Variants in CMC1 observed in about 807,000 individuals in gnomAD.
CMC1 encodes the protein COX assembly mitochondrial protein homolog.
A neutral mutation model predicts 14.1 loss-of-function variants in CMC1; 14 were observed. The ratio of observed to expected loss-of-function variants is 0.99; its 90% confidence interval spans 0.66 to 1.55. CMC1 has a LOEUF of 1.55. Among genes scored for constraint, CMC1 ranks in the 40% most tolerant of loss-of-function variants. The pLI is 0.00. For missense variants in CMC1, 127 were observed against 123.8 expected, an observed-to-expected ratio of 1.03 and a Z score of -0.12; for synonymous variants, 50 against 38.4, an observed-to-expected ratio of 1.30 and a Z score of -1.12.
At chr3:28,289,333 G>A (rs904388855) in intron 2 of CMC1, among the ~76,000 whole-genome samples, 7 of 151,742 alleles carry the variant, frequency 4.6e-5, no homozygotes, top group East Asian at 3.9e-4. Flanking sequence ...ATCTTACTAA[G>A]TATTGGGGAA....
At chr3:28,309,012 C>G (rs964030787) in intron 2 of CMC1, among the ~76,000 whole-genome samples, 1 of 151,796 alleles carries the variant, frequency 6.6e-6, no homozygotes, top group African/African-American at 2.4e-5. Context: ...ATAAATAAGC[C>G]TGCAAAACTA....
intron 2 of CMC1, among the ~76,000 whole-genome samples, chr3:28,274,660 C>A (rs1052996158): frequency 1.3e-5 from 2 of 152,090 alleles, no homozygotes; most frequent in African/African-American, 4.8e-5. Flanking sequence ...GTTGGTCTGT[C>A]TTGCTAGGTT....
chr3:28,288,825 A>G (rs1701328376), intron 2 of CMC1, among the ~76,000 whole-genome samples: 1 of 151,562 alleles, frequency 6.6e-6, no homozygotes, highest in Non-Finnish European at 1.5e-5. Context: ...TAATTTTTTA[A>G]AGTATACTCA....
chr3:28,316,062 T>C, intron 2 of CMC1: 1 of 230,418 alleles, frequency 4.3e-6, no homozygotes, highest in Non-Finnish European at 8.4e-6. Flanking sequence ...CTCTCCCTCT[T>C]CTCAAATCAC....
At chr3:28,316,217 A>C in intron 2 of CMC1, 116 bp from the exon 3 acceptor site, 1 of 567,488 alleles carries the variant, frequency 1.8e-6, no homozygotes, top group South Asian at 2.5e-5. Context: ...ATGCCACTGC[A>C]CTCCAGCCTG....
chr3:28,278,018 G>C (rs1011190917), intron 2 of CMC1, among the ~76,000 whole-genome samples: 3 of 152,072 alleles, frequency 2.0e-5, no homozygotes, highest in African/African-American at 7.2e-5. Flanking sequence ...TAGGGACAAG[G>C]GGAGAATTAG....
intron 2 of CMC1, among the ~76,000 whole-genome samples, chr3:28,274,230 T>TTTTTTTTTTTTTTTTTTTTTTTTG: frequency 6.9e-6 from 1 of 145,968 alleles, no homozygotes; most frequent in Non-Finnish European, 1.5e-5. Flanking sequence ...CTTTTTTTTT[T>TTTTTTTTTTTTTTTTTTTTTTTTG]TTTTTGCAGT....
At chr3:28,262,966 G>A (rs1699810282) in intron 1 of CMC1, 2 of 214,466 alleles carry the variant, frequency 9.3e-6, no homozygotes, top group South Asian at 1.5e-4. Flanking sequence ...ATCCTCTTTT[G>A]TGGATTATAT....
chr3:28,282,746 C>T (rs895554369), intron 2 of CMC1, among the ~76,000 whole-genome samples: 24 of 152,150 alleles, frequency 1.6e-4, no homozygotes, highest in African/African-American at 5.8e-4. Flanking sequence ...AATGCATCCA[C>T]GAATGATCTG....
chr3:28,255,292 G>A (rs1485852624), intron 1 of CMC1, among the ~76,000 whole-genome samples: 11 of 148,648 alleles, frequency 7.4e-5, no homozygotes, highest in Non-Finnish European at 1.5e-4. Flanking sequence ...CTAGGCTGGA[G>A]TGCAGTGGCA....
rs191173349 is a variant in CMC1 at position 28,313,568 on chromosome 3, T to C, written c.110-2765T>C. Among the ~76,000 whole-genome samples, 21 of 152,318 alleles carry C rather than the reference T, an allele frequency of 1.4e-4. 2 individuals carry two copies. The East Asian group carries it at 4.1e-3, about 29-fold the overall frequency. On this transcript the variant is annotated intron_variant, in intron 2 of 3. Transcript: ENST00000466830. ...ACTATTATATGAATATATGCTAATG[T>C]AGAATGAAAGAAAGGTCCTCATTAA...
chr3:28,311,176 T>TC (rs1301689030), intron 2 of CMC1, among the ~76,000 whole-genome samples: 1 of 152,134 alleles, frequency 6.6e-6, no homozygotes, highest in African/African-American at 2.4e-5. Flanking sequence ...TTTTTTTTTT[T>TC]CTGTAGGGAT....
At chr3:28,249,477 A>G (rs1455512264) in intron 1 of CMC1, among the ~76,000 whole-genome samples, 1 of 152,256 alleles carries the variant, frequency 6.6e-6, no homozygotes, top group African/African-American at 2.4e-5. Context: ...GGGAATTACA[A>G]AGATGAGTTA....
chr3:28,283,920 T>C (rs1299231757), intron 2 of CMC1, among the ~76,000 whole-genome samples: 1 of 152,214 alleles, frequency 6.6e-6, no homozygotes, highest in Non-Finnish European at 1.5e-5. Flanking sequence ...GAATCCTAGA[T>C]TGTGTCAGTA....
chr3:28,278,582 T>A (rs932747539), intron 2 of CMC1, among the ~76,000 whole-genome samples: 2 of 152,190 alleles, frequency 1.3e-5, no homozygotes, highest in Admixed American at 1.3e-4. Context: ...AGATTTCAGA[T>A]AGACCACTCT....
chr3:28,322,777 T>C lies in CMC1; in HGVS notation c.*3148T>C, dbSNP rs1200130043. ...TAAGATAATAGAAAAAAATATCTAG[T>C]GAATGGCGAACATTGTCTATGTATG... On this transcript the variant is annotated 3_prime_UTR_variant, in exon 4 of 4. Transcript: ENST00000466830. 6.6e-6 allele frequency: 1 copy of C among 151,522 alleles called. No homozygotes were observed. Among genetic ancestry groups the C allele is most frequent in the African/African-American group, 2.4e-5 (1 of 41,302 alleles). 9.4% of individuals were successfully genotyped at this position (151,522 alleles called of 1,614,324 possible). A position where few individuals can be genotyped will look rare whatever the true frequency, so the allele number is the denominator to read the frequency against.
chr3:28,280,169 T>A (rs897784883), intron 2 of CMC1, among the ~76,000 whole-genome samples: 23 of 152,332 alleles, frequency 1.5e-4, no homozygotes, highest in African/African-American at 5.1e-4. Context: ...CTTTTAATAT[T>A]ATGTTCTAGA....
chr3:28,316,265 A>C, intron 2 of CMC1, 68 bp from the exon 3 acceptor site: 1 of 776,428 alleles, frequency 1.3e-6, no homozygotes, highest in Non-Finnish European at 2.0e-6. Flanking sequence ...AAAAAGAAGA[A>C]AATTGTGTGT....
intron 2 of CMC1, among the ~76,000 whole-genome samples, chr3:28,293,831 C>T (rs1399841474): frequency 6.6e-6 from 1 of 152,118 alleles, no homozygotes; most frequent in African/African-American, 2.4e-5. Flanking sequence ...ATCCGACTGC[C>T]TCAGCCTCCC....
Sources: gnomAD v4.1 joint callset for allele counts (sites outside exome capture counted in the v4.1 genomes callset) on GRCh38, gnomAD v4.1.1 for gene constraint, MANE v1.5 for transcripts, NCBI Gene and HGNC (gene_info 2026-07-23, HGNC 2026-07-21) for gene names.